Variants in CDK5RAP2 observed in about 807,000 individuals in gnomAD.
CDK5RAP2 encodes CDK5 regulatory subunit associated protein 2.
A neutral mutation model predicts 232.9 loss-of-function variants in CDK5RAP2; 147 were observed. That is an observed-to-expected ratio of 0.63 (90% confidence interval 0.55 to 0.72). The LOEUF is 0.72. Among genes scored for constraint, CDK5RAP2 ranks in the 30% least tolerant of loss-of-function variants. The pLI, the probability that CDK5RAP2 is intolerant of heterozygous loss-of-function variation, is 0.00. For missense variants in CDK5RAP2, 2,195 were observed against 2,231.5 expected (o/e 0.98, Z 0.33); for synonymous variants, 833 against 833.7 (o/e 1.00, Z 0.01).
intron 13 of CDK5RAP2, 48 bp from the exon 14 acceptor site, chr9:120,487,485 AT>A (rs766572460): frequency 2.4e-5 from 34 of 1,441,992 alleles, no homozygotes; most frequent in Admixed American, 1.9e-4. Flanking sequence ...AAGAAAAAAA[AT>A]ATTAAGAAAC....
At chr9:120,485,371 T>C (rs933338422) in intron 14 of CDK5RAP2, among the ~76,000 whole-genome samples, 2 of 150,338 alleles carry the variant, frequency 1.3e-5, no homozygotes, top group African/African-American at 4.9e-5. Context: ...CTCAGCTCAC[T>C]GCAACCTCCG....
At chr9:120,454,507 G>A (rs1229969526) in intron 20 of CDK5RAP2, among the ~76,000 whole-genome samples, 5 of 152,208 alleles carry the variant, frequency 3.3e-5, no homozygotes, top group Non-Finnish European at 7.4e-5. Flanking sequence ...ACAGCTATGA[G>A]GATTAAACAA....
chr9:120,418,897 G>A (rs1326485600), intron 27 of CDK5RAP2, among the ~76,000 whole-genome samples: 1 of 152,188 alleles, frequency 6.6e-6, no homozygotes, highest in Non-Finnish European at 1.5e-5. Flanking sequence ...GCATGGGGCC[G>A]CTGTGAAAAT....
intron 3 of CDK5RAP2, among the ~76,000 whole-genome samples, chr9:120,552,251 T>G (rs532502848): frequency 6.6e-6 from 1 of 151,976 alleles, no homozygotes; most frequent in South Asian, 2.1e-4. Flanking sequence ...GGTGGGACTG[T>G]AAACTAGTTC....
At chr9:120,560,529 C>T (rs536487044) in intron 3 of CDK5RAP2, among the ~76,000 whole-genome samples, 2 of 152,304 alleles carry the variant, frequency 1.3e-5, no homozygotes, top group African/African-American at 4.8e-5. Context: ...AGTCTCAAGA[C>T]AGTATGGCAT....
At chr9:120,570,813 T>G (rs1251712414) in intron 2 of CDK5RAP2, among the ~76,000 whole-genome samples, 1 of 152,078 alleles carries the variant, frequency 6.6e-6, no homozygotes, top group African/African-American at 2.4e-5. Context: ...CACTCCAGCC[T>G]GGGCAACAGA....
At chr9:120,536,865 A>G (rs1387871704) in intron 6 of CDK5RAP2, among the ~76,000 whole-genome samples, 1 of 152,024 alleles carries the variant, frequency 6.6e-6, no homozygotes, top group African/African-American at 2.4e-5. Context: ...CCAAAGAGTC[A>G]CCATAATTTC....
intron 25 of CDK5RAP2, among the ~76,000 whole-genome samples, chr9:120,423,945 C>T (rs1588295456): frequency 6.6e-6 from 1 of 152,204 alleles, no homozygotes; most frequent in South Asian, 2.1e-4. Flanking sequence ...CACCTGGGCA[C>T]CAAGAGTCAG....
At chr9:120,467,083 A>G (rs935512441) in intron 18 of CDK5RAP2, among the ~76,000 whole-genome samples, 1 of 152,252 alleles carries the variant, frequency 6.6e-6, no homozygotes, top group African/African-American at 2.4e-5. Context: ...TCACAACTTC[A>G]GGGTCCTCCC....
chr9:120,435,837 T>C (rs558396375), intron 25 of CDK5RAP2, among the ~76,000 whole-genome samples: 20 of 152,028 alleles, frequency 1.3e-4, no homozygotes, highest in Non-Finnish European at 2.4e-4. Context: ...AGAAATATAG[T>C]AATAAAAGGA....
intron 25 of CDK5RAP2, among the ~76,000 whole-genome samples, chr9:120,426,370 T>C (rs1014295789): frequency 1.3e-5 from 2 of 152,200 alleles, no homozygotes; most frequent in African/African-American, 2.4e-5. Flanking sequence ...AATCAACATA[T>C]GTGAGGTATA....
chr9:120,523,910 A>G (rs1888930), intron 11 of CDK5RAP2, among the ~76,000 whole-genome samples: 149,088 of 152,216 alleles, frequency 0.98, 73,073 homozygotes, highest in East Asian at 1. Flanking sequence ...ACATTGGGGG[A>G]CGGAGGGAGG....
Position 120,415,148 on chromosome 9 carries a change from C to T in CDK5RAP2, c.4189G>A (p.Glu1397Lys). ...AAAGTTCGAATTTCCTGTATGTGTT[C>T]CATTAGTAAGTCTACAGGAAGGAAG... Reference protein sequence around the residue: ...VNSFSQDLLMEHIQEIRTLRK... With the variant: ...VNSFSQDLLMKHIQEIRTLRK... Residue 1397 changes from glutamate to lysine, a missense_variant, in exon 28 of 38, where the codon GAA (glutamate) becomes AAA (lysine). By Grantham distance (56) the Glu-to-Lys change is moderately conservative. Coordinates refer to ENST00000349780, the MANE Select transcript of CDK5RAP2 (RefSeq NM_018249.6). The T allele has an allele frequency of 6.2e-7, 1 of 1,614,054 alleles. No homozygotes were observed. Among genetic ancestry groups the T allele is most frequent in the Non-Finnish European group, 8.5e-7 (1 of 1,179,944 alleles).
chr9:120,562,979 G>A (rs1290089512), intron 3 of CDK5RAP2, among the ~76,000 whole-genome samples: 1 of 152,106 alleles, frequency 6.6e-6, no homozygotes, highest in Non-Finnish European at 1.5e-5. Context: ...TCAGCGTTGA[G>A]TACCAGACAT....
At chr9:120,523,749 A>G (rs1011342058) in intron 11 of CDK5RAP2, among the ~76,000 whole-genome samples, 1 of 152,232 alleles carries the variant, frequency 6.6e-6, no homozygotes, top group Non-Finnish European at 1.5e-5. Context: ...TTTGATGATA[A>G]AACTGTATTG....
chr9:120,558,927 T>C (rs2042351172), intron 3 of CDK5RAP2, among the ~76,000 whole-genome samples: 1 of 152,230 alleles, frequency 6.6e-6, no homozygotes, highest in Admixed American at 6.5e-5. Flanking sequence ...CACTTAATCT[T>C]TCATGGCTGT....
chr9:120,418,801 T>C (rs545275642), intron 27 of CDK5RAP2, among the ~76,000 whole-genome samples: 3 of 152,314 alleles, frequency 2.0e-5, no homozygotes, highest in Admixed American at 6.5e-5. Flanking sequence ...GTCTTCAAAC[T>C]GGGCTCCTCT....
chr9:120,410,251 T>A (rs1232912530), intron 29 of CDK5RAP2, among the ~76,000 whole-genome samples: 1 of 152,088 alleles, frequency 6.6e-6, no homozygotes, highest in Non-Finnish European at 1.5e-5. Context: ...TAAGCAAGCA[T>A]TCACCTCCTC....
chr9:120,415,172 A>G lies in CDK5RAP2; in HGVS notation c.4178-13T>C. 1 of 1,613,782 alleles carries G rather than the reference A, an allele frequency of 6.2e-7. No individual in the cohort carries two copies. The highest frequency in any genetic ancestry group is 8.5e-7 in the Non-Finnish European group (1 of 1,179,700). On this transcript the variant is annotated splice_polypyrimidine_tract_variant and intron_variant, in intron 27 of 37. Coordinates refer to ENST00000349780, the MANE Select transcript of CDK5RAP2 (RefSeq NM_018249.6). ...TCCATTAGTAAGTCTACAGGAAGGA[A>G]GCCATTTTTAATTTAAAGTCTGAAC...
Sources: gnomAD v4.1 joint callset for allele counts (sites outside exome capture counted in the v4.1 genomes callset) on GRCh38, gnomAD v4.1.1 for gene constraint, MANE v1.5 for transcripts, NCBI Gene and HGNC (gene_info 2026-07-23, HGNC 2026-07-21) for gene names.